The following CALB2 variants were observed in gnomAD, a reference collection of about 807,000 sequenced individuals.
CALB2 encodes the protein calbindin 2, also known as calretinin.
CALB2 carries 34 observed loss-of-function variants against 45.9 expected under a neutral mutation model. The ratio of observed to expected loss-of-function variants is 0.74; its 90% CI spans 0.56 to 0.99. CALB2 has a LOEUF of 0.99. Ranked by LOEUF, CALB2 falls within the 50% of genes least tolerant of loss-of-function variation. CALB2 has a pLI of 0.00. For synonymous variants in CALB2, 142 were observed against 129.6 expected (o/e 1.10, Z -0.65); for missense variants, 344 against 339.3 (o/e 1.01, Z -0.11).
chr16:71,385,669 C>A, intron 10 of CALB2, 21 bp downstream of exon 10: 40 of 1,608,288 alleles, frequency 2.5e-5, no homozygotes, highest in Non-Finnish European at 3.4e-5. Context: ...AAGCCTGAGG[C>A]CCGGCCACTG....
intron 4 of CALB2, among the ~76,000 whole-genome samples, chr16:71,382,516 T>G (rs2042510844): frequency 1.3e-5 from 2 of 152,238 alleles, no homozygotes; most frequent in African/African-American, 4.8e-5. Flanking sequence ...GCCCAGGCGC[T>G]CATGAGATCA....
chr16:71,382,016 A>AGAGGAGGAGGAGGAGGAGGAGGAG (rs67417266), intron 4 of CALB2, among the ~76,000 whole-genome samples: 2 of 86,516 alleles, frequency 2.3e-5, no homozygotes, highest in East Asian at 3.5e-4. Context: ...CTGTCTCAAA[A>AGAGGAGGAGGAGGAGGAGGAGGAG]GAGGAGGAGG....
chr16:71,360,626 T>G (rs2042228507), intron 1 of CALB2, among the ~76,000 whole-genome samples: 1 of 152,220 alleles, frequency 6.6e-6, no homozygotes, highest in Non-Finnish European at 1.5e-5. Context: ...ATGAGTCAGC[T>G]ATAAACAGAG....
intron 4 of CALB2, among the ~76,000 whole-genome samples, chr16:71,378,890 C>T (rs1455457105): frequency 6.6e-6 from 1 of 152,196 alleles, no homozygotes; most frequent in East Asian, 1.9e-4. Context: ...ATGTACGATT[C>T]TATAGCTACA....
At chr16:71,382,335 T>C (rs1258207515) in intron 4 of CALB2, among the ~76,000 whole-genome samples, 1 of 152,136 alleles carries the variant, frequency 6.6e-6, no homozygotes, top group African/African-American at 2.4e-5. Flanking sequence ...CACCAGATGA[T>C]GTGGTAAAAG....
intron 10 of CALB2, among the ~76,000 whole-genome samples, chr16:71,387,063 C>T (rs1385488811): frequency 6.6e-6 from 1 of 152,106 alleles, no homozygotes; most frequent in African/African-American, 2.4e-5. Context: ...TGGAAAATAC[C>T]TTTATGTGTA....
rs780560133 is a variant in CALB2 at position 71,384,385 on chromosome 16, CTT to C, written c.573+9_573+10del. On this transcript the variant is annotated splice_region_variant and intron_variant, in intron 8 of 10. Coordinates refer to ENST00000302628, the MANE Select transcript of CALB2 (RefSeq NM_001740.5). ...CTTCCTGCTTAAATTTCAGGTAAAA[CTT>C]TGCTTTCCTTCCTTCCCCCTTCCCT... 55 of 1,604,244 alleles carry C rather than the reference CTT, an allele frequency of 3.4e-5. No homozygotes were observed. The highest frequency in any genetic ancestry group is 4.4e-5 in the Non-Finnish European group (52 of 1,176,270).
chr16:71,384,802 A>G lies in CALB2; in HGVS notation c.593A>G (p.Glu198Gly), dbSNP rs1214432600. ...TTGCAGGGCATGAAGCTGACCTCAG[A>G]GGAGTTTAACGCGATCTTCACATTT... ...LKFQGMKLTSEEFNAIFTFYD... is the reference protein window; with the variant it reads ...LKFQGMKLTSGEFNAIFTFYD... The change falls in exon 9 of 11, where the codon GAG (glutamate) becomes GGG (glycine). Residue 198 changes from glutamate (E) to glycine (G), a missense_variant. Physicochemically the swap from Glu to Gly is moderately conservative, Grantham distance 98 (BLOSUM62 -2). Around this residue, in one of 3 missense-constraint regions of CALB2, gnomAD observed 263 missense variants for 241.7 expected, o/e 1.09. Transcript: ENST00000302628. The G allele has an allele frequency of 1.3e-6, 2 of 1,597,534 alleles. No homozygotes were observed. The highest frequency in any genetic ancestry group is 1.7e-6 in the Non-Finnish European group (2 of 1,172,470).
rs539267448 is a variant in CALB2, at chr16:71,382,069, G to A, written c.343-650G>A. On this transcript the variant is annotated intron_variant, in intron 4 of 10. Transcript: ENST00000302628. ...TAGGAGGAGGAGGAGAGGGGGAGGG[G>A]GAGGGGGAGGAAGAAAGAAAGAGAA... Among the ~76,000 whole-genome samples the A allele has an allele frequency of 1.6e-4, 21 of 132,226 alleles. No individual in the cohort carries two copies. The East Asian group carries it at 4.8e-3, about 30-fold the overall frequency. 86.7% of individuals were successfully genotyped at this position (132,226 alleles called of 152,430 possible).
intron 1 of CALB2, among the ~76,000 whole-genome samples, chr16:71,369,913 G>A (rs2042328299): frequency 6.6e-6 from 1 of 152,140 alleles, no homozygotes; most frequent in Non-Finnish European, 1.5e-5. Flanking sequence ...TCATCAACTA[G>A]ACGATGTCTT....
intron 3 of CALB2, among the ~76,000 whole-genome samples, chr16:71,375,476 C>T (rs62055049): frequency 0.13 from 20,299 of 151,980 alleles, 1,465 homozygotes; most frequent in South Asian, 0.19. Flanking sequence ...GAGGCTGAGG[C>T]GGAGGATCCT....
chr16:71,378,081 T>G (rs1317761953), intron 4 of CALB2, among the ~76,000 whole-genome samples: 1 of 151,966 alleles, frequency 6.6e-6, no homozygotes, highest in Non-Finnish European at 1.5e-5. Flanking sequence ...AAAGTTAGCC[T>G]GGCGTGGTGG....
At chr16:71,386,053 G>A (rs1275943391) in intron 10 of CALB2, among the ~76,000 whole-genome samples, 1 of 152,130 alleles carries the variant, frequency 6.6e-6, no homozygotes, top group Non-Finnish European at 1.5e-5. Flanking sequence ...TTCTGCCTCT[G>A]TAAATTTGAC....
chr16:71,389,882 G>A lies in CALB2; in HGVS notation c.*17G>A, dbSNP rs534945857. ...CCCATGTAAAGTGGGGACGGGGGCTGCTTCTCCACCTCCCCCAAACCCTGC... is the reference window on the plus strand; with the variant it reads ...CCCATGTAAAGTGGGGACGGGGGCTACTTCTCCACCTCCCCCAAACCCTGC... On this transcript the variant is annotated 3_prime_UTR_variant, in exon 11 of 11. Transcript: ENST00000302628. The A allele has an allele frequency of 5.4e-5, 85 of 1,560,908 alleles. No individual in the cohort carries two copies. In the Middle Eastern group the frequency reaches 5.9e-4, roughly 11 times the overall value.
intron 5 of CALB2, among the ~76,000 whole-genome samples, chr16:71,383,062 C>G (rs2042518846): frequency 6.6e-6 from 1 of 152,158 alleles, no homozygotes; most frequent in Non-Finnish European, 1.5e-5. Context: ...AGGTCCACCT[C>G]CAAATTCCTC....
intron 2 of CALB2, among the ~76,000 whole-genome samples, chr16:71,373,631 G>T (rs1168821075): frequency 1.3e-5 from 2 of 152,154 alleles, no homozygotes; most frequent in Non-Finnish European, 2.9e-5. Flanking sequence ...TTATATAGTA[G>T]AAAGAATATT....
chr16:71,363,920 T>G (rs2042257021), intron 1 of CALB2, among the ~76,000 whole-genome samples: 1 of 152,182 alleles, frequency 6.6e-6, no homozygotes, highest in South Asian at 2.1e-4. Context: ...AGTGAACCTC[T>G]GGGGGTCTGT....
At chr16:71,386,926 A>T (rs760075941) in intron 10 of CALB2, among the ~76,000 whole-genome samples, 35 of 152,228 alleles carry the variant, frequency 2.3e-4, no homozygotes, top group Non-Finnish European at 4.4e-5. Context: ...ATAAATGATA[A>T]GGAAGCAAAT....
At chr16:71,361,483 C>T (rs76899410) in intron 1 of CALB2, among the ~76,000 whole-genome samples, 2,917 of 152,236 alleles carry the variant, frequency 0.019, 94 homozygotes, top group African/African-American at 0.067. Flanking sequence ...GGTTTCTTCC[C>T]AATTCTAAGA....
Sources: allele counts gnomAD v4.1 joint callset (sites outside exome capture counted in the v4.1 genomes callset), GRCh38; gene constraint gnomAD v4.1.1; regional missense constraint gnomAD v4.1.1; transcripts MANE v1.5; gene names NCBI Gene and HGNC (gene_info 2026-07-23, HGNC 2026-07-21).